ARHGEF18: variants seen among roughly 807,000 people sequenced by gnomAD.
ARHGEF18 encodes the protein Rho/Rac guanine nucleotide exchange factor 18.
Under a neutral mutation model 155.7 loss-of-function variants are expected in ARHGEF18, and 93 were observed. The ratio of observed to expected loss-of-function variants is 0.60; its 90% CI spans 0.50 to 0.71. ARHGEF18 has a LOEUF of 0.71. Among genes scored for constraint, ARHGEF18 ranks in the 30% least tolerant of loss-of-function variants. The probability of loss-of-function intolerance (pLI) is 0.00; values close to 1 mark genes in which losing one functional copy is unlikely to be tolerated. For synonymous variants in ARHGEF18, 742 were observed against 753.1 expected, an observed-to-expected ratio of 0.99 and a Z score of 0.24; for missense variants, 1,593 against 1,816.1, an observed-to-expected ratio of 0.88 and a Z score of 2.23.
rs1182998542 is a variant in ARHGEF18 at position 7,470,701 on chromosome 19, G to A, written c.*403G>A. ...CTGAGGACAGGACAGACCTTGCTTTGAGAAGGAGCTGCCGGCCGGGGCCAC... is the reference window on the plus strand; with the variant it reads ...CTGAGGACAGGACAGACCTTGCTTTAAGAAGGAGCTGCCGGCCGGGGCCAC... On this transcript the variant is annotated 3_prime_UTR_variant, in exon 29 of 29. Coordinates refer to ENST00000668164, the MANE Select transcript of ARHGEF18 (RefSeq NM_001367823.1). This position sits in a 1 kb window ranked among gnomAD's most constrained non-coding sequence, Gnocchi z 5.9. 2 of 400,008 alleles carry A rather than the reference G, an allele frequency of 5.0e-6. No homozygotes were observed. The highest frequency in any genetic ancestry group is 3.6e-5 in the East Asian group (1 of 28,048). 24.8% of individuals were successfully genotyped at this position (400,008 alleles called of 1,614,324 possible). A position where few individuals can be genotyped will look rare whatever the true frequency, so the allele number is the denominator to read the frequency against.
At chr19:7,477,269 A>G (rs1295406369), downstream of ARHGEF18, 1 of 1,584,006 alleles carries the variant, frequency 6.3e-7, no homozygotes, top group Non-Finnish European at 8.6e-7. Flanking sequence ...GATTGAGGAG[A>G]TGGTGCCCAT....
intron 4 of ARHGEF18, 46 bp downstream of exon 4, chr19:7,375,916 T>C: frequency 8.1e-7 from 1 of 1,233,916 alleles, no homozygotes. Flanking sequence ...CACTTTTGGG[T>C]TTAGAAAGCA....
intron 10 of ARHGEF18, among the ~76,000 whole-genome samples, chr19:7,406,052 G>C (rs541021958): frequency 1.8e-3 from 272 of 152,204 alleles, no homozygotes; most frequent in Non-Finnish European, 3.3e-3. Flanking sequence ...AGAGGAAAGA[G>C]GAGGTCTTCA....
intron 10 of ARHGEF18, among the ~76,000 whole-genome samples, chr19:7,412,450 A>C (rs1972743937): frequency 1.3e-5 from 2 of 151,792 alleles, no homozygotes; most frequent in Non-Finnish European, 2.9e-5. Flanking sequence ...TTTTTAAATT[A>C]TACCATTTTA....
chr19:7,477,207 G>A (rs1198465777), downstream of ARHGEF18: 2 of 1,498,756 alleles, frequency 1.3e-6, no homozygotes, highest in Admixed American at 2.5e-5. Flanking sequence ...CAGTGTCAGG[G>A]GGTAGTGGCC....
In ARHGEF18 at chr19:7,368,822, C is replaced by T. The variant is rs186777081; in HGVS notation, c.16-3990C>T. 2.7e-3 allele frequency among the ~76,000 whole-genome samples: 418 copies of T among 152,172 alleles called. 3 individuals carry two copies. Among genetic ancestry groups the T allele is most frequent in the African/African-American group, 9.5e-3 (394 of 41,538 alleles). On this transcript the variant is annotated intron_variant, in intron 2 of 28. Coordinates refer to ENST00000668164, the MANE Select transcript of ARHGEF18 (RefSeq NM_001367823.1). ...AAGTGGGAATTTGAAAGGAGGCTGC[C>T]GCCCAAGTCACATGAGGGCCAGCCA...
chr19:7,460,512 C>A (rs1976152662), intron 20 of ARHGEF18, among the ~76,000 whole-genome samples: 1 of 152,096 alleles, frequency 6.6e-6, no homozygotes, highest in Non-Finnish European at 1.5e-5. Context: ...ATCCCACCAC[C>A]CCAGAAAGAA....
chr19:7,449,182 A>T (rs1765717012), intron 15 of ARHGEF18, among the ~76,000 whole-genome samples: 1 of 152,054 alleles, frequency 6.6e-6, no homozygotes, highest in Non-Finnish European at 1.5e-5. Flanking sequence ...CCTCAAATGC[A>T]TACAAGAGCA....
intron 10 of ARHGEF18, chr19:7,394,988 C>T (rs978496800): frequency 1.1e-6 from 1 of 951,578 alleles, no homozygotes; most frequent in Non-Finnish European, 1.3e-6. Flanking sequence ...CCGACGCCCC[C>T]TCACCACGGC....
At position 7,431,878 on chromosome 19, in the gene ARHGEF18, T is replaced by C. The variant is rs149451406; in HGVS notation, c.968-8466T>C. Among the ~76,000 whole-genome samples, 301 of 152,332 alleles carry C rather than the reference T, an allele frequency of 2.0e-3. 1 individual carries two copies. The highest frequency in any genetic ancestry group is 7.0e-3 in the African/African-American group (291 of 41,586). On this transcript the variant is annotated intron_variant, in intron 10 of 28. Transcript: ENST00000668164. ...AATGCAAGAAGCACTCAATAAATAGTACCTGTTGCTACGAATTACCACATT... is the reference window on the plus strand; with the variant it reads ...AATGCAAGAAGCACTCAATAAATAGCACCTGTTGCTACGAATTACCACATT...
At chr19:7,477,291 G>T, downstream of ARHGEF18, 1 of 1,578,328 alleles carries the variant, frequency 6.3e-7, no homozygotes, top group Non-Finnish European at 8.6e-7. Flanking sequence ...AGGCCCACTA[G>T]CCACGGCGGG....
intron 23 of ARHGEF18, among the ~76,000 whole-genome samples, chr19:7,465,328 T>G (rs982639343): frequency 3.3e-5 from 5 of 152,168 alleles, no homozygotes; most frequent in Non-Finnish European, 5.9e-5. Flanking sequence ...AGGGATGTAT[T>G]TTCAATAATA....
At chr19:7,413,156 G>A (rs771254780) in intron 10 of ARHGEF18, among the ~76,000 whole-genome samples, 49 of 152,096 alleles carry the variant, frequency 3.2e-4, no homozygotes, top group Non-Finnish European at 5.7e-4. Flanking sequence ...TATGGGCTGG[G>A]TATGGTGGCT....
intron 8 of ARHGEF18, among the ~76,000 whole-genome samples, chr19:7,381,281 C>G (rs1055593948): frequency 6.6e-6 from 1 of 152,052 alleles, no homozygotes; most frequent in African/African-American, 2.4e-5. Flanking sequence ...AACTAGAAGG[C>G]TTAGGGAATG....
chr19:7,473,161 A>T (rs1239038159), downstream of ARHGEF18: 3 of 456,110 alleles, frequency 6.6e-6, no homozygotes, highest in Admixed American at 7.1e-5. Flanking sequence ...GTATGAAATC[A>T]TCATTTCCAC....
At position 7,441,833 on chromosome 19, in the gene ARHGEF18, C is replaced by T. The variant is rs6603072; in HGVS notation, c.1219+68C>T. On this transcript the variant is annotated intron_variant, in intron 12 of 28. Coordinates refer to ENST00000668164, the MANE Select transcript of ARHGEF18 (RefSeq NM_001367823.1). ...GTCTCTCCTGGGAAGAGCTGGGGCTCGTGTCAGCATGTCTACGGGAGGGAA... is the reference window on the plus strand; with the variant it reads ...GTCTCTCCTGGGAAGAGCTGGGGCTTGTGTCAGCATGTCTACGGGAGGGAA... 6,904 of 1,611,944 alleles carry T rather than the reference C, an allele frequency of 4.3e-3. 146 individuals carry two copies. The African/African-American group carries it at 0.054, about 13-fold the overall frequency.
chr19:7,467,452 G>A lies in ARHGEF18; in HGVS notation c.3248G>A (p.Arg1083His), dbSNP rs1158904862. 9.9e-6 allele frequency: 15 copies of A among 1,514,258 alleles called. No individual in the cohort carries two copies. The highest frequency in any genetic ancestry group is 1.4e-5 in the African/African-American group (1 of 71,258). 93.8% of individuals were successfully genotyped at this position (1,514,258 alleles called of 1,614,324 possible). Reference sequence around the variant, plus strand: ...CAGTGGCAGCACCAGGAGCTGGAGCGTGCGGGCGCGCGGCTGCAGGAGCGC... The same window carrying A: ...CAGTGGCAGCACCAGGAGCTGGAGCATGCGGGCGCGCGGCTGCAGGAGCGC... ...ERQWQHQELE[R>H]AGARLQEREG... is the part of the protein sequence containing the mutation. The change falls in exon 26 of 29, where the codon CGT becomes CAT. Residue 1083 changes from arginine (R) to histidine (H), a missense_variant. Coordinates refer to ENST00000668164, the MANE Select transcript of ARHGEF18 (RefSeq NM_001367823.1).
intron 10 of ARHGEF18, 148 bp downstream of exon 10, chr19:7,383,351 G>C: frequency 3.3e-6 from 3 of 897,012 alleles, no homozygotes; most frequent in Non-Finnish European, 4.4e-6. Flanking sequence ...AGAGAACCAG[G>C]GATCAGTCCC....
intron 10 of ARHGEF18, among the ~76,000 whole-genome samples, chr19:7,388,996 A>T (rs1401222137): frequency 6.6e-6 from 1 of 151,296 alleles, no homozygotes; most frequent in Non-Finnish European, 1.5e-5. Context: ...GTTATTTTTA[A>T]TTTTTTTGAG....
Sources: gnomAD v4.1 joint callset for allele counts (sites outside exome capture counted in the v4.1 genomes callset) on GRCh38, gnomAD v4.1.1 for gene constraint, Gnocchi (gnomAD v3.1) non-coding constraint, MANE v1.5 for transcripts, NCBI Gene and HGNC (gene_info 2026-07-23, HGNC 2026-07-21) for gene names.